The following TSGA10 variants were observed in gnomAD, a reference collection of about 807,000 sequenced individuals.
The protein encoded by TSGA10 is testis specific 10.
Under a neutral mutation model 96.6 loss-of-function variants are expected in TSGA10, and 43 were observed. That is an observed-to-expected ratio of 0.44 (90% confidence interval 0.35 to 0.57). TSGA10 has a LOEUF of 0.57. Ranked by LOEUF, TSGA10 falls within the 20% of genes least tolerant of loss-of-function variation. The probability of loss-of-function intolerance (pLI) is 0.01; values close to 1 mark genes in which losing one functional copy is unlikely to be tolerated. For missense variants in TSGA10, 703 were observed against 834.4 expected, an observed-to-expected ratio of 0.84 and a Z score of 1.94; for synonymous variants, 229 against 269.9, an observed-to-expected ratio of 0.85 and a Z score of 1.48.
intron 20 of TSGA10, among the ~76,000 whole-genome samples, chr2:99,010,382 G>A (rs2078902868): frequency 6.6e-6 from 1 of 152,216 alleles, no homozygotes; most frequent in African/African-American, 2.4e-5. Context: ...GCATGCTGCT[G>A]CCAATTCCAT....
intron 15 of TSGA10, among the ~76,000 whole-genome samples, chr2:99,065,938 A>C (rs2085220182): frequency 6.6e-6 from 1 of 152,344 alleles, no homozygotes; most frequent in Admixed American, 6.5e-5. Flanking sequence ...TAGACCGAGT[A>C]ATCATTATTA....
chr2:99,084,768 C>T (rs1208772742), intron 10 of TSGA10, among the ~76,000 whole-genome samples: 1 of 151,832 alleles, frequency 6.6e-6, no homozygotes, highest in Non-Finnish European at 1.5e-5. Flanking sequence ...TCTCCCATCC[C>T]CCCATACCAT....
chr2:99,086,088 G>A (rs898823047), intron 10 of TSGA10, among the ~76,000 whole-genome samples: 3 of 152,094 alleles, frequency 2.0e-5, no homozygotes, highest in Non-Finnish European at 4.4e-5. Flanking sequence ...ATTGCCCTGA[G>A]TGATGAAATA....
At chr2:99,034,363 C>T (rs559615212) in intron 17 of TSGA10, among the ~76,000 whole-genome samples, 1 of 152,028 alleles carries the variant, frequency 6.6e-6, no homozygotes, top group Non-Finnish European at 1.5e-5. Flanking sequence ...GATCATGCCA[C>T]TGCACTCCAG....
chr2:99,024,898 G>A (rs987515666), intron 17 of TSGA10, among the ~76,000 whole-genome samples: 1 of 152,196 alleles, frequency 6.6e-6, no homozygotes, highest in Non-Finnish European at 1.5e-5. Flanking sequence ...TGAGAAGGCT[G>A]TGTGGTTTTC....
intron 15 of TSGA10, among the ~76,000 whole-genome samples, chr2:99,068,544 T>C (rs1269736208): frequency 6.6e-6 from 1 of 152,148 alleles, no homozygotes; most frequent in Non-Finnish European, 1.5e-5. Flanking sequence ...TCTGATCTGC[T>C]ACATAATCAG....
chr2:99,144,826 G>C (rs2093615965), intron 1 of TSGA10, among the ~76,000 whole-genome samples: 1 of 152,110 alleles, frequency 6.6e-6, no homozygotes, highest in Non-Finnish European at 1.5e-5. Flanking sequence ...TGGGGGAACT[G>C]TAAGTGCAAA....
intron 20 of TSGA10, among the ~76,000 whole-genome samples, chr2:99,016,051 C>A (rs2079490605): frequency 6.6e-6 from 1 of 152,084 alleles, no homozygotes; most frequent in Non-Finnish European, 1.5e-5. Context: ...CATGGAGAAT[C>A]AATATTGTAA....
intron 10 of TSGA10, among the ~76,000 whole-genome samples, chr2:99,103,010 A>G (rs1420007395): frequency 2.0e-5 from 3 of 151,710 alleles, no homozygotes; most frequent in Non-Finnish European, 2.9e-5. Context: ...CATGCTAAAT[A>G]TTCTTTCCTA....
chr2:99,139,851 C>T (rs1486032745), intron 1 of TSGA10, among the ~76,000 whole-genome samples: 2 of 152,128 alleles, frequency 1.3e-5, no homozygotes, highest in Non-Finnish European at 1.5e-5. Context: ...AAGGAAGTGG[C>T]TATCTTAGAA....
intron 16 of TSGA10, among the ~76,000 whole-genome samples, chr2:99,047,066 T>C (rs1319784147): frequency 6.6e-6 from 1 of 152,102 alleles, no homozygotes; most frequent in African/African-American, 2.4e-5. Flanking sequence ...GGCTCTGAAA[T>C]TGAGGCAATA....
chr2:98,998,295 G>GT (rs1197327897), intron 20 of TSGA10, 74 bp from the exon 21 acceptor site: 1 of 1,240,342 alleles, frequency 8.1e-7, no homozygotes, highest in Non-Finnish European at 1.2e-6. Flanking sequence ...ATTTATTCTA[G>GT]TAAGTGTATC....
chr2:99,093,866 T>C (rs957359127), intron 10 of TSGA10, among the ~76,000 whole-genome samples: 1 of 152,058 alleles, frequency 6.6e-6, no homozygotes, highest in Admixed American at 6.5e-5. Flanking sequence ...CCCATCAAAA[T>C]AACACCATCT....
At chr2:99,006,555 C>G (rs1327450260) in intron 20 of TSGA10, among the ~76,000 whole-genome samples, 7 of 152,312 alleles carry the variant, frequency 4.6e-5, no homozygotes, top group African/African-American at 1.7e-4. Flanking sequence ...TGCTCATCAT[C>G]ACTGGCCATC....
At chr2:99,088,729 C>CA (rs2088889586) in intron 10 of TSGA10, among the ~76,000 whole-genome samples, 1 of 152,114 alleles carries the variant, frequency 6.6e-6, no homozygotes. Context: ...AAGGCATATG[C>CA]AAAAATTTTA....
At chr2:99,011,349 C>T (rs1263184810) in intron 20 of TSGA10, among the ~76,000 whole-genome samples, 1 of 152,188 alleles carries the variant, frequency 6.6e-6, no homozygotes, top group Non-Finnish European at 1.5e-5. Flanking sequence ...CCAGGCTGGT[C>T]TTGAACTCCT....
chr2:99,114,555 C>G (rs1186442805), intron 4 of TSGA10, among the ~76,000 whole-genome samples: 2 of 152,118 alleles, frequency 1.3e-5, no homozygotes, highest in Non-Finnish European at 2.9e-5. Context: ...AATAGCTTTC[C>G]AACCCTCAAA....
At position 99,024,440 on chromosome 2, in the gene TSGA10, AT is replaced by A. The variant is rs904975507; in HGVS notation, c.1615-3959del. Among the ~76,000 whole-genome samples the A allele has an allele frequency of 2.6e-4, 39 of 151,220 alleles. No homozygotes were observed. The East Asian group carries it at 4.7e-3, about 18-fold the overall frequency. On this transcript the variant is annotated intron_variant, in intron 17 of 20. Transcript: ENST00000393483. ...TTTTGATGCAATTCCGTTTGATATA[AT>A]TTTTTTTTCAGATTGTTCATTGTTA...
chr2:99,126,835 G>A, intron 2 of TSGA10: 1 of 282,846 alleles, frequency 3.5e-6, no homozygotes, highest in Non-Finnish European at 6.2e-6. Flanking sequence ...CTGTATACCT[G>A]AAAACATCTG....
Sources: allele counts gnomAD v4.1 joint callset (sites outside exome capture counted in the v4.1 genomes callset), GRCh38; gene constraint gnomAD v4.1.1; transcripts MANE v1.5; gene names NCBI Gene and HGNC (gene_info 2026-07-23, HGNC 2026-07-21).